Variants in SLC9A9 observed in about 807,000 individuals in gnomAD.
SLC9A9 encodes solute carrier family 9 member A9.
Under a neutral mutation model 77.8 loss-of-function variants are expected in SLC9A9, and 62 were observed. That is an observed-to-expected ratio of 0.80 (90% CI 0.65 to 0.98). The LOEUF is 0.98. Ranked by LOEUF, SLC9A9 falls within the 50% of genes least tolerant of loss-of-function variation. The probability of loss-of-function intolerance (pLI) is 0.00; values close to 1 mark genes in which losing one functional copy is unlikely to be tolerated. For synonymous variants in SLC9A9, 320 were observed against 283.5 expected, an observed-to-expected ratio of 1.13 and a Z score of -1.29; for missense variants, 775 against 774.9, an observed-to-expected ratio of 1.00 and a Z score of 0.00.
intron 6 of SLC9A9, among the ~76,000 whole-genome samples, chr3:143,618,861 T>C: frequency 6.6e-6 from 1 of 152,208 alleles, no homozygotes; most frequent in East Asian, 1.9e-4. Flanking sequence ...CCTATCTACT[T>C]GGCCTAGTGA....
At chr3:143,446,260 C>T (rs185233468) in intron 12 of SLC9A9, among the ~76,000 whole-genome samples, 120 of 151,824 alleles carry the variant, frequency 7.9e-4, no homozygotes, top group African/African-American at 2.8e-3. Context: ...GCCAGTTTGT[C>T]GGTTGTAATA....
chr3:143,619,973 C>T (rs2038173847), intron 6 of SLC9A9, among the ~76,000 whole-genome samples: 1 of 152,128 alleles, frequency 6.6e-6, no homozygotes, highest in African/African-American at 2.4e-5. Flanking sequence ...GAGCTTCAAC[C>T]TGGGTGTCTT....
intron 12 of SLC9A9, among the ~76,000 whole-genome samples, chr3:143,432,872 C>G (rs969786265): frequency 3.3e-5 from 5 of 152,206 alleles, no homozygotes; most frequent in Non-Finnish European, 7.3e-5. Flanking sequence ...ATGATCCCCC[C>G]ACCTTGGCCT....
At chr3:143,396,837 G>A (rs2033741245) in intron 12 of SLC9A9, among the ~76,000 whole-genome samples, 1 of 152,186 alleles carries the variant, frequency 6.6e-6, no homozygotes. Flanking sequence ...TATGATGGAG[G>A]TTTTGGACTT....
chr3:143,709,974 A>C (rs1409765279), intron 4 of SLC9A9, among the ~76,000 whole-genome samples: 1 of 152,222 alleles, frequency 6.6e-6, no homozygotes, highest in African/African-American at 2.4e-5. Context: ...TTTGCTCAGC[A>C]CTGTAATGTC....
At chr3:143,678,156 G>A (rs975529214) in intron 5 of SLC9A9, among the ~76,000 whole-genome samples, 7 of 152,030 alleles carry the variant, frequency 4.6e-5, no homozygotes, top group Non-Finnish European at 1.0e-4. Flanking sequence ...CAGTGTTTCC[G>A]TTACTTACTT....
chr3:143,745,795 G>A (rs920646657), intron 4 of SLC9A9, among the ~76,000 whole-genome samples: 9 of 152,180 alleles, frequency 5.9e-5, no homozygotes, highest in Non-Finnish European at 1.5e-5. Flanking sequence ...TTTCAATGGA[G>A]GATGAAAGAA....
chr3:143,398,846 C>T (rs1053625353), intron 12 of SLC9A9, among the ~76,000 whole-genome samples: 1 of 152,062 alleles, frequency 6.6e-6, no homozygotes, highest in Non-Finnish European at 1.5e-5. Context: ...TTTAAGCCCA[C>T]AATTGGAAGC....
intron 9 of SLC9A9, among the ~76,000 whole-genome samples, chr3:143,511,898 A>G (rs1223973034): frequency 6.6e-6 from 1 of 152,242 alleles, no homozygotes; most frequent in African/African-American, 2.4e-5. Context: ...ACCCAAAGAC[A>G]TATCATTTCT....
chr3:143,593,152 C>T (rs557276831), intron 6 of SLC9A9, among the ~76,000 whole-genome samples: 4 of 152,168 alleles, frequency 2.6e-5, no homozygotes, highest in African/African-American at 7.2e-5. Context: ...GAAGAAAGGA[C>T]GTAGGTAAGG....
intron 12 of SLC9A9, among the ~76,000 whole-genome samples, chr3:143,459,696 C>T (rs1034395776): frequency 1.3e-5 from 2 of 152,056 alleles, no homozygotes; most frequent in Admixed American, 6.6e-5. Context: ...TTCTCAAACT[C>T]CCTTCTCTCT....
At position 143,553,282 on chromosome 3, in the gene SLC9A9, T is replaced by C. The variant is rs2036924306; in HGVS notation, c.1001-832A>G. Among the ~76,000 whole-genome samples the C allele has an allele frequency of 3.3e-5, 5 of 151,804 alleles. No individual in the cohort carries two copies. The South Asian group carries it at 1.0e-3, about 32-fold the overall frequency. On this transcript the variant is annotated intron_variant, in intron 8 of 15. Coordinates refer to ENST00000316549, the MANE Select transcript of SLC9A9 (RefSeq NM_173653.4). ...GCTATCTGTCCCTGGGCTCTGTTAT[T>C]CTCTGTGTTATTGTCCCTGGGCTGG...
At chr3:143,314,201 A>T (rs1444869354) in intron 14 of SLC9A9, 2 of 152,282 alleles carry the variant, frequency 1.3e-5, no homozygotes, top group Non-Finnish European at 2.9e-5. Flanking sequence ...ACTGTTCAGT[A>T]AATGTGTATT....
chr3:143,444,378 C>T (rs545557088), intron 12 of SLC9A9, among the ~76,000 whole-genome samples: 89 of 152,272 alleles, frequency 5.8e-4, no homozygotes, highest in Non-Finnish European at 1.1e-3. Flanking sequence ...GCAACCTCTT[C>T]CTATCATGAA....
At chr3:143,649,936 G>C (rs1359579699) in intron 6 of SLC9A9, among the ~76,000 whole-genome samples, 1 of 151,472 alleles carries the variant, frequency 6.6e-6, no homozygotes, top group South Asian at 2.1e-4. Flanking sequence ...CACACTTCAA[G>C]TACATAGAGT....
Position 143,446,697 on chromosome 3 carries a change from C to T in SLC9A9, c.1469+20340G>A, listed in dbSNP as rs539366514. Among the ~76,000 whole-genome samples the T allele has an allele frequency of 7.9e-5, 12 of 152,170 alleles. No individual in the cohort carries two copies. The South Asian group carries it at 2.1e-3, about 26-fold the overall frequency. ...TATCAGGATGGGAAATGTGGGAATGCGGTGGGAGTACAAAGCAGGAAAGTA... is the reference window on the plus strand; with the variant it reads ...TATCAGGATGGGAAATGTGGGAATGTGGTGGGAGTACAAAGCAGGAAAGTA... On this transcript the variant is annotated intron_variant, in intron 12 of 15. Transcript: ENST00000316549.
In SLC9A9 at chr3:143,511,436, A is replaced by C. The variant is rs997217464; in HGVS notation, c.1090-15988T>G. ...GAGGAAGGAGCCAGCAGCTGAAGCT[A>C]TTTGCTATCTCGTCAGCACTGATTT... On this transcript the variant is annotated intron_variant, in intron 9 of 15. Transcript: ENST00000316549. 3.4e-4 allele frequency among the ~76,000 whole-genome samples: 51 copies of C among 152,136 alleles called. 1 individual carries two copies. Among genetic ancestry groups the C allele is most frequent in the African/African-American group, 9.4e-4 (39 of 41,424 alleles).
At chr3:143,766,300 T>A (rs1227574718) in intron 4 of SLC9A9, among the ~76,000 whole-genome samples, 1 of 152,144 alleles carries the variant, frequency 6.6e-6, no homozygotes, top group East Asian at 1.9e-4. Context: ...AGAAAGTGCC[T>A]CATATTGAGG....
At chr3:143,569,183 G>A (rs2108653237) in intron 8 of SLC9A9, among the ~76,000 whole-genome samples, 1 of 151,716 alleles carries the variant, frequency 6.6e-6, no homozygotes, top group Non-Finnish European at 1.5e-5. Context: ...TTATTTCCAA[G>A]TCCATCAGGA....
Sources: gnomAD v4.1 joint callset for allele counts (sites outside exome capture counted in the v4.1 genomes callset) on GRCh38, gnomAD v4.1.1 for gene constraint, MANE v1.5 for transcripts, NCBI Gene and HGNC (gene_info 2026-07-23, HGNC 2026-07-21) for gene names.